The following P2RY14 variants were observed in gnomAD, a reference collection of about 807,000 sequenced individuals.
The protein encoded by P2RY14 is purinergic receptor P2Y14.
A neutral mutation model predicts 0.9 loss-of-function variants in P2RY14; 2 were observed. The ratio of observed to expected loss-of-function variants is 2.16; its 90% CI spans 0.88 to 6.79. The LOEUF is 6.79. Among genes scored for constraint, P2RY14 ranks in the 30% most tolerant of loss-of-function variants. The pLI is 0.05. For synonymous variants in P2RY14, 158 were observed against 147.2 expected (o/e 1.07, Z -0.53); for missense variants, 378 against 400.1 (o/e 0.94, Z 0.47).
intron 1 of P2RY14, among the ~76,000 whole-genome samples, chr3:151,246,564 C>A (rs1390068171): frequency 3.9e-5 from 6 of 152,070 alleles, no homozygotes; most frequent in Non-Finnish European, 7.4e-5. Flanking sequence ...AACTGGCTAG[C>A]CATATGTAGA....
chr3:151,277,711 A>G (rs1400969135), intron 1 of P2RY14, among the ~76,000 whole-genome samples: 1 of 152,240 alleles, frequency 6.6e-6, no homozygotes, highest in Non-Finnish European at 1.5e-5. Context: ...ATGAACTCAA[A>G]TATTTGCTAT....
At position 151,236,058 on chromosome 3, in the gene P2RY14, T is replaced by C. The variant is rs184114136; in HGVS notation, c.-132-16416A>G. ...TTTTTAACTTATTCTCCTCTCCCCC[T>C]ATTCTTACATACAGCCCTTCTTAAA... On this transcript the variant is annotated intron_variant, in intron 1 of 2. Transcript: ENST00000309170. 6.9e-4 allele frequency among the ~76,000 whole-genome samples: 105 copies of C among 152,290 alleles called. 1 individual carries two copies. Among genetic ancestry groups the C allele is most frequent in the African/African-American group, 2.4e-3 (98 of 41,576 alleles).
In P2RY14 at chr3:151,249,823, G is replaced by C. The variant is rs927041145; in HGVS notation, c.-133+28464C>G. 1.8e-4 allele frequency among the ~76,000 whole-genome samples: 28 copies of C among 152,146 alleles called. 1 individual carries two copies. The South Asian group carries it at 4.8e-3, about 26-fold the overall frequency. ...TGGGGATTTCTGAAATTATGCTCTG[G>C]ATTAATACAGTCATAATACATCTTT... On this transcript the variant is annotated intron_variant, in intron 1 of 2. Transcript: ENST00000309170.
At chr3:151,219,265 G>C (rs10513390) in intron 2 of P2RY14, among the ~76,000 whole-genome samples, 64,128 of 151,974 alleles carry the variant, frequency 0.42, 15,698 homozygotes, top group Non-Finnish European at 0.54. Context: ...TTCTCTCTTT[G>C]GACAGAATTT....
intron 1 of P2RY14, among the ~76,000 whole-genome samples, chr3:151,271,611 T>C (rs1577195683): frequency 6.6e-6 from 1 of 152,320 alleles, no homozygotes; most frequent in South Asian, 2.1e-4. Context: ...CAAATGCTCA[T>C]CAACAGATTA....
chr3:151,219,879 T>C (rs1728977311), intron 1 of P2RY14, among the ~76,000 whole-genome samples: 1 of 118,276 alleles, frequency 8.5e-6, no homozygotes, highest in Non-Finnish European at 1.7e-5. Flanking sequence ...GTTTTGGTTA[T>C]TGGTTTATAT....
chr3:151,213,478 G>A lies in P2RY14; in HGVS notation c.839C>T (p.Thr280Ile). Residue 280 changes from threonine to isoleucine, a missense_variant, in exon 3 of 3, where the codon ACT becomes ATT. Transcript: ENST00000309170. ...KEILRYMKEF[T>I]LLLSAANVCL... The stretch of plus-strand genomic sequence containing the variant: ...TACATTTGCAGCAGATAGTAGCAGA[G>A]TGAATTCTTTCATATACCGCAAGAT... The A allele has an allele frequency of 6.2e-7, 1 of 1,614,144 alleles. No homozygotes were observed. Among genetic ancestry groups the A allele is most frequent in the Non-Finnish European group, 8.5e-7 (1 of 1,180,014 alleles).
At chr3:151,242,714 C>T (rs1734460993) in intron 1 of P2RY14, among the ~76,000 whole-genome samples, 2 of 152,204 alleles carry the variant, frequency 1.3e-5, no homozygotes, top group African/African-American at 4.8e-5. Flanking sequence ...AGCGCCTCTC[C>T]TCCTCCAAAG....
At chr3:151,272,636 G>C (rs545075874) in intron 1 of P2RY14, among the ~76,000 whole-genome samples, 1 of 152,316 alleles carries the variant, frequency 6.6e-6, no homozygotes, top group South Asian at 2.1e-4. Context: ...ATAAAATATT[G>C]AGTACACAAC....
chr3:151,231,202 C>A (rs1238699813), intron 1 of P2RY14, among the ~76,000 whole-genome samples: 1 of 152,158 alleles, frequency 6.6e-6, no homozygotes, highest in East Asian at 1.9e-4. Context: ...AGAATGCTGG[C>A]TAGTAAAGGT....
chr3:151,264,300 G>A (rs1320099746), intron 1 of P2RY14, among the ~76,000 whole-genome samples: 12 of 152,216 alleles, frequency 7.9e-5, no homozygotes, highest in South Asian at 2.1e-4. Context: ...ATCAAAAAGA[G>A]TTTGTGCTCA....
chr3:151,242,138 C>T (rs898972767), intron 1 of P2RY14, among the ~76,000 whole-genome samples: 5 of 152,186 alleles, frequency 3.3e-5, no homozygotes, highest in African/African-American at 4.8e-5. Flanking sequence ...CATGGAGTCT[C>T]GCTGATTGCT....
chr3:151,270,120 G>A, intron 1 of P2RY14: 2 of 231,510 alleles, frequency 8.6e-6, no homozygotes, highest in Non-Finnish European at 1.7e-5. Context: ...AGGGGGTGAA[G>A]GAGAAAATGA....
chr3:151,257,356 A>G (rs1336682254), intron 1 of P2RY14, among the ~76,000 whole-genome samples: 1 of 152,176 alleles, frequency 6.6e-6, no homozygotes, highest in Admixed American at 6.5e-5. Context: ...TGTTTTTTTA[A>G]ATTGTTTATG....
intron 1 of P2RY14, among the ~76,000 whole-genome samples, chr3:151,271,036 A>G (rs1019543154): frequency 6.6e-6 from 1 of 152,136 alleles, no homozygotes; most frequent in African/African-American, 2.4e-5. Context: ...AAAAATCCCC[A>G]AATTTAAAAC....
chr3:151,264,536 G>T (rs61159567), intron 1 of P2RY14, among the ~76,000 whole-genome samples: 1 of 152,214 alleles, frequency 6.6e-6, no homozygotes, highest in Non-Finnish European at 1.5e-5. Context: ...CCATAACCCA[G>T]TATGGAGAGT....
intron 1 of P2RY14, among the ~76,000 whole-genome samples, chr3:151,228,259 T>C (rs4680254): frequency 0.47 from 70,935 of 151,958 alleles, 17,306 homozygotes; most frequent in Middle Eastern, 0.62. Flanking sequence ...GCGATAATTA[T>C]TAACTGCCTT....
intron 1 of P2RY14, among the ~76,000 whole-genome samples, chr3:151,248,415 T>C (rs1736178666): frequency 6.6e-6 from 1 of 152,148 alleles, no homozygotes; most frequent in Admixed American, 6.6e-5. Context: ...TAGCATTTTG[T>C]GCTTTTAAAC....
intron 1 of P2RY14, among the ~76,000 whole-genome samples, chr3:151,244,387 T>C (rs1298409289): frequency 2.3e-5 from 3 of 132,564 alleles, no homozygotes; most frequent in Admixed American, 8.0e-5. Context: ...CCTCAGCAAA[T>C]GTAAAAGAAC....
Sources: gnomAD v4.1 joint callset for allele counts (sites outside exome capture counted in the v4.1 genomes callset) on GRCh38, gnomAD v4.1.1 for gene constraint, MANE v1.5 for transcripts, NCBI Gene and HGNC (gene_info 2026-07-23, HGNC 2026-07-21) for gene names.